The following UBE2E2 variants were observed in gnomAD, a reference collection of about 807,000 sequenced individuals.
UBE2E2 encodes the protein ubiquitin conjugating enzyme E2 E2.
UBE2E2 carries 6 observed loss-of-function variants against 24.7 expected under a neutral mutation model. The ratio of observed to expected loss-of-function variants is 0.24; its 90% CI spans 0.13 to 0.48. The LOEUF is 0.48. UBE2E2 is among the 20% of genes least tolerant of loss of function. The pLI, the probability that UBE2E2 is intolerant of heterozygous loss-of-function variation, is 0.99. For synonymous variants in UBE2E2, 104 were observed against 83.6 expected (o/e 1.24, Z -1.33); for missense variants, 169 against 245.0 (o/e 0.69, Z 2.07).
At chr3:23,303,772 A>G (rs1397503557) in intron 3 of UBE2E2, among the ~76,000 whole-genome samples, 3 of 152,198 alleles carry the variant, frequency 2.0e-5, no homozygotes, top group African/African-American at 7.2e-5. Flanking sequence ...TAGAAATAGA[A>G]CTAGGGAACA....
chr3:23,438,454 G>T (rs1019132254), intron 3 of UBE2E2, among the ~76,000 whole-genome samples: 1 of 152,198 alleles, frequency 6.6e-6, no homozygotes, highest in African/African-American at 2.4e-5. Context: ...TGTAGTGATA[G>T]AAGTTCCTTG....
intron 3 of UBE2E2, among the ~76,000 whole-genome samples, chr3:23,493,354 A>G (rs1699539652): frequency 6.6e-6 from 1 of 152,190 alleles, no homozygotes; most frequent in Non-Finnish European, 1.5e-5. Context: ...GGGCTCATCC[A>G]CTGTAGGCTG....
intron 3 of UBE2E2, among the ~76,000 whole-genome samples, chr3:23,456,396 G>A (rs1559389032): frequency 1.3e-5 from 2 of 152,228 alleles, no homozygotes; most frequent in African/African-American, 2.4e-5. Flanking sequence ...ATTTTCAGTT[G>A]ACTTTGCCCA....
chr3:23,297,058 G>A (rs866739886), intron 3 of UBE2E2, among the ~76,000 whole-genome samples: 31 of 152,258 alleles, frequency 2.0e-4, no homozygotes, highest in Non-Finnish European at 4.0e-4. Context: ...TCTGATGGCC[G>A]GTGATGACGA....
chr3:23,374,159 T>G (rs1696462952), intron 3 of UBE2E2, among the ~76,000 whole-genome samples: 1 of 152,176 alleles, frequency 6.6e-6, no homozygotes, highest in South Asian at 2.1e-4. Flanking sequence ...AATTTCAGCT[T>G]AATAAAATTA....
At chr3:23,468,774 ATCT>A (rs1465924549) in intron 3 of UBE2E2, among the ~76,000 whole-genome samples, 1 of 152,194 alleles carries the variant, frequency 6.6e-6, no homozygotes, top group Non-Finnish European at 1.5e-5. Flanking sequence ...AACTGCATGC[ATCT>A]TCTTGAACAA....
rs1250255471 is a variant in UBE2E2, at chr3:23,410,301, A to G, written c.228-89307A>G. 2.0e-5 allele frequency among the ~76,000 whole-genome samples: 3 copies of G among 152,324 alleles called. No individual in the cohort carries two copies. The East Asian group carries it at 5.8e-4, about 29-fold the overall frequency. Reference sequence around the variant, plus strand: ...ATTTGCTTAGTTTCTCTTCCTCTGCAGCATTTAAACAACAGTTTTAACCTT... The same window carrying G: ...ATTTGCTTAGTTTCTCTTCCTCTGCGGCATTTAAACAACAGTTTTAACCTT... On this transcript the variant is annotated intron_variant, in intron 3 of 5. Transcript: ENST00000396703.
intron 1 of UBE2E2, chr3:23,204,917 A>C (rs181069155): frequency 1.6e-5 from 4 of 244,132 alleles, no homozygotes; most frequent in Non-Finnish European, 2.6e-5. Context: ...ATACTAGTAG[A>C]TACTGTTATA....
intron 3 of UBE2E2, among the ~76,000 whole-genome samples, chr3:23,483,100 A>G (rs1699290342): frequency 6.6e-6 from 1 of 152,210 alleles, no homozygotes; most frequent in African/African-American, 2.4e-5. Flanking sequence ...GACACCATTT[A>G]GTTTATCATT....
intron 3 of UBE2E2, among the ~76,000 whole-genome samples, chr3:23,483,324 T>C (rs1699294481): frequency 6.6e-6 from 1 of 152,204 alleles, no homozygotes; most frequent in South Asian, 2.1e-4. Flanking sequence ...ATTTGAAAAA[T>C]ATATGTGAAT....
chr3:23,546,460 ATTTTTTTTTTT>A (rs899923576), intron 5 of UBE2E2, among the ~76,000 whole-genome samples: 3 of 76,860 alleles, frequency 3.9e-5, no homozygotes, highest in Non-Finnish European at 7.5e-5. Context: ...GAACATTTAG[ATTTTTTTTTTT>A]TTTTTTTTTT....
At chr3:23,446,328 C>T (rs761577058) in intron 3 of UBE2E2, among the ~76,000 whole-genome samples, 72 of 152,166 alleles carry the variant, frequency 4.7e-4, no homozygotes, top group Non-Finnish European at 3.4e-4. Context: ...GCAGTGTGTG[C>T]CCATAACCCT....
intron 5 of UBE2E2, among the ~76,000 whole-genome samples, chr3:23,559,041 C>T (rs190962325): frequency 2.6e-5 from 4 of 152,200 alleles, no homozygotes; most frequent in East Asian, 1.9e-4. Context: ...AGTCTCAACA[C>T]AAGAGTAATA....
chr3:23,352,173 C>G (rs1695775097), intron 3 of UBE2E2, among the ~76,000 whole-genome samples: 1 of 152,032 alleles, frequency 6.6e-6, no homozygotes, highest in Non-Finnish European at 1.5e-5. Flanking sequence ...TAAAGATGTT[C>G]TTTGAAACCA....
intron 3 of UBE2E2, among the ~76,000 whole-genome samples, chr3:23,316,047 A>G (rs996725000): frequency 6.6e-6 from 1 of 152,088 alleles, no homozygotes; most frequent in Non-Finnish European, 1.5e-5. Context: ...TGTGGCCGCC[A>G]CCCCTGGAAA....
chr3:23,429,036 GATGAA>G (rs1697996515), intron 3 of UBE2E2, among the ~76,000 whole-genome samples: 1 of 150,272 alleles, frequency 6.7e-6, no homozygotes, highest in Non-Finnish European at 1.5e-5. Context: ...TCATGTCCTA[GATGAA>G]ATGAACCAAT....
intron 5 of UBE2E2, among the ~76,000 whole-genome samples, chr3:23,554,548 A>G (rs1177372690): frequency 1.3e-5 from 2 of 152,106 alleles, no homozygotes; most frequent in African/African-American, 4.8e-5. Context: ...TTGGACCTTT[A>G]TCTTACACTA....
intron 3 of UBE2E2, among the ~76,000 whole-genome samples, chr3:23,319,835 A>G (rs1326654636): frequency 6.6e-6 from 1 of 151,704 alleles, no homozygotes; most frequent in Non-Finnish European, 1.5e-5. Flanking sequence ...ACAACAAAAA[A>G]CAAAAAACAA....
In UBE2E2 at chr3:23,354,187, T is replaced by G. The variant is rs566201567; in HGVS notation, c.227+136875T>G. Among the ~76,000 whole-genome samples, 615 of 152,092 alleles carry G rather than the reference T, an allele frequency of 4.0e-3. 3 individuals carry two copies. The highest frequency in any genetic ancestry group is 5.6e-3 in the Non-Finnish European group (380 of 67,928). ...GCTGGGAAAACTGGCTAGCCATATG[T>G]AGAAAGCTGAAACTGGATCCCTTCC... On this transcript the variant is annotated intron_variant, in intron 3 of 5. Transcript: ENST00000396703.
Sources: allele counts gnomAD v4.1 joint callset (sites outside exome capture counted in the v4.1 genomes callset), GRCh38; gene constraint gnomAD v4.1.1; transcripts MANE v1.5; gene names NCBI Gene and HGNC (gene_info 2026-07-23, HGNC 2026-07-21).